The following ZNF257 variants were observed in gnomAD, a reference collection of about 807,000 sequenced individuals.
ZNF257 encodes the protein bone marrow zinc finger 4.
A neutral mutation model predicts 11.9 loss-of-function variants in ZNF257; 12 were observed. The ratio of observed to expected loss-of-function variants is 1.01; its 90% CI spans 0.65 to 1.63. ZNF257 has a LOEUF of 1.63. ZNF257 is among the 40% of genes most tolerant of loss of function. The pLI is 0.00. For missense variants in ZNF257, 580 were observed against 665.5 expected (o/e 0.87, Z 1.41); for synonymous variants, 183 against 222.7 (o/e 0.82, Z 1.59).
rs965825177 is a variant in ZNF257 at position 22,089,453 on chromosome 19, C to T, written c.*11C>T. ...AAACATAATTCATAATGGAGAAAAACCCTACAAATGTGAAGAATGTGTCAA... is the reference window on the plus strand; with the variant it reads ...AAACATAATTCATAATGGAGAAAAATCCTACAAATGTGAAGAATGTGTCAA... On this transcript the variant is annotated 3_prime_UTR_variant, in exon 4 of 4. Coordinates refer to ENST00000594947, the MANE Select transcript of ZNF257 (RefSeq NM_033468.4). 6.3e-7 allele frequency: 1 copy of T among 1,599,314 alleles called. No homozygotes were observed. The highest frequency in any genetic ancestry group is 8.5e-7 in the Non-Finnish European group (1 of 1,172,872).
intron 3 of ZNF257, among the ~76,000 whole-genome samples, chr19:22,085,664 C>G (rs2022460258): frequency 8.3e-6 from 1 of 120,710 alleles, no homozygotes. Flanking sequence ...ATATTTGGAA[C>G]CCTAATGTGA....
intron 3 of ZNF257, chr19:22,075,556 TAC>T (rs1338258316): frequency 1.3e-5 from 2 of 152,332 alleles, no homozygotes; most frequent in East Asian, 3.9e-4. Flanking sequence ...TTGAAATAAT[TAC>T]AGAGTAAATT....
At chr19:22,073,060 G>A in intron 2 of ZNF257, 125 bp downstream of exon 2, 1 of 1,142,250 alleles carries the variant, frequency 8.8e-7, no homozygotes, top group Non-Finnish European at 1.2e-6. Context: ...TTGCATAAAT[G>A]AGTTTCATAT....
chr19:22,053,718 G>A (rs1398714368), intron 1 of ZNF257, among the ~76,000 whole-genome samples: 1 of 152,088 alleles, frequency 6.6e-6, no homozygotes, highest in Non-Finnish European at 1.5e-5. Flanking sequence ...TTGAGGTCGG[G>A]AGTTCGAGAC....
intron 1 of ZNF257, among the ~76,000 whole-genome samples, chr19:22,062,138 G>A (rs2021812837): frequency 6.8e-6 from 1 of 146,920 alleles, no homozygotes. Flanking sequence ...TTGCCTCACT[G>A]CAACCTCTGC....
At chr19:22,057,547 G>A (rs1358309977) in intron 1 of ZNF257, among the ~76,000 whole-genome samples, 3 of 152,108 alleles carry the variant, frequency 2.0e-5, no homozygotes, top group African/African-American at 7.2e-5. Context: ...AGTTGTTATT[G>A]TTCTGAGATA....
chr19:22,065,445 C>G (rs901410978), intron 1 of ZNF257, among the ~76,000 whole-genome samples: 2 of 152,100 alleles, frequency 1.3e-5, no homozygotes, highest in African/African-American at 4.8e-5. Context: ...GGTGATCCAC[C>G]CACCTCGGCC....
At position 22,089,496 on chromosome 19, in the gene ZNF257, C is replaced by G; in HGVS notation, c.*54C>G. The G allele has an allele frequency of 6.4e-7, 1 of 1,557,682 alleles. No homozygotes were observed. Among genetic ancestry groups the G allele is most frequent in the Non-Finnish European group, 8.7e-7 (1 of 1,153,470 alleles). On this transcript the variant is annotated 3_prime_UTR_variant, in exon 4 of 4. Coordinates refer to ENST00000594947, the MANE Select transcript of ZNF257 (RefSeq NM_033468.4). ...TGTGTCAAAGCTTTTAACTGTTCCT[C>G]AATCCTTACTAAACATAAGGGAATT...
At chr19:22,071,408 C>G (rs1307248064) in intron 1 of ZNF257, among the ~76,000 whole-genome samples, 1 of 151,742 alleles carries the variant, frequency 6.6e-6, no homozygotes, top group African/African-American at 2.4e-5. Flanking sequence ...GGCATATTCT[C>G]GAGATGCAGG....
intron 1 of ZNF257, among the ~76,000 whole-genome samples, chr19:22,071,002 G>A (rs2022090892): frequency 1.3e-5 from 2 of 152,104 alleles, no homozygotes; most frequent in African/African-American, 4.8e-5. Flanking sequence ...ATTGTTTTAG[G>A]TGGAAACATA....
intron 1 of ZNF257, among the ~76,000 whole-genome samples, chr19:22,056,704 T>G (rs1177536997): frequency 6.6e-6 from 1 of 151,956 alleles, no homozygotes; most frequent in East Asian, 1.9e-4. Flanking sequence ...GGTCTCAATC[T>G]CCTGACCTCG....
intron 1 of ZNF257, among the ~76,000 whole-genome samples, chr19:22,072,223 G>C (rs1175469433): frequency 6.6e-6 from 1 of 152,130 alleles, no homozygotes; most frequent in African/African-American, 2.4e-5. Context: ...TTACTAGAAA[G>C]CTAGTTATTT....
intron 3 of ZNF257, among the ~76,000 whole-genome samples, chr19:22,076,286 A>G (rs896355729): frequency 6.7e-6 from 1 of 149,744 alleles, no homozygotes; most frequent in Admixed American, 6.7e-5. Flanking sequence ...TATATATACA[A>G]AATAAATAAT....
chr19:22,072,967 A>G (rs1237979631), intron 2 of ZNF257, 32 bp downstream of exon 2: 5 of 1,564,202 alleles, frequency 3.2e-6, no homozygotes, highest in Middle Eastern at 1.7e-4. Context: ...AATTCCTAAT[A>G]TACTCCAAAG....
At chr19:22,087,921 A>C (rs1004222486) in intron 3 of ZNF257, 56 bp from the exon 4 acceptor site, 1 of 1,425,538 alleles carries the variant, frequency 7.0e-7, no homozygotes, top group African/African-American at 1.4e-5. Context: ...AGATTTGTAA[A>C]AAATATTTAC....
chr19:22,069,450 T>TA (rs905279723), intron 1 of ZNF257, among the ~76,000 whole-genome samples: 9 of 151,412 alleles, frequency 5.9e-5, no homozygotes, highest in East Asian at 1.9e-4. Flanking sequence ...CCATCTCTAC[T>TA]AAAAAAAATA....
chr19:22,080,146 ATTT>A (rs2022326337), intron 3 of ZNF257, among the ~76,000 whole-genome samples: 1 of 151,940 alleles, frequency 6.6e-6, no homozygotes, highest in Non-Finnish European at 1.5e-5. Flanking sequence ...CGTCTGGCTA[ATTT>A]TTTTATTATT....
intron 1 of ZNF257, among the ~76,000 whole-genome samples, chr19:22,059,650 T>C (rs992928860): frequency 6.6e-6 from 1 of 151,044 alleles, no homozygotes; most frequent in African/African-American, 2.4e-5. Flanking sequence ...TTTCTTTTTT[T>C]TTTTTTTTTA....
chr19:22,068,945 A>G (rs2022029732), intron 1 of ZNF257, among the ~76,000 whole-genome samples: 1 of 151,470 alleles, frequency 6.6e-6, no homozygotes, highest in South Asian at 2.1e-4. Flanking sequence ...GAGACATTTG[A>G]GGATTTCCAG....
Sources: allele counts gnomAD v4.1 joint callset (sites outside exome capture counted in the v4.1 genomes callset), GRCh38; gene constraint gnomAD v4.1.1; transcripts MANE v1.5; gene names NCBI Gene and HGNC (gene_info 2026-07-23, HGNC 2026-07-21).